Variants in EVL observed in about 807,000 individuals in gnomAD.
The protein encoded by EVL is Enah/Vasp-like, also known as ena/VASP-like protein.
In EVL, 21 loss-of-function variants were observed where a neutral mutation model predicts 59.6. The observed-to-expected ratio is 0.35, with a 90% confidence interval of 0.25 to 0.51. EVL has a LOEUF of 0.51. Ranked by LOEUF, EVL falls within the 20% of genes least tolerant of loss-of-function variation. The pLI, the probability that EVL is intolerant of heterozygous loss-of-function variation, is 0.97. For synonymous variants in EVL, 198 were observed against 203.5 expected (o/e 0.97, Z 0.23); for missense variants, 462 against 546.6 (o/e 0.85, Z 1.54).
At chr14:99,988,302 A>T (rs1212314382) in intron 1 of EVL, among the ~76,000 whole-genome samples, 1 of 152,182 alleles carries the variant, frequency 6.6e-6, no homozygotes, top group Non-Finnish European at 1.5e-5. Flanking sequence ...GCACTTGAAA[A>T]GGTGCTTAGC....
At chr14:100,132,035 T>TATC (rs1434574153) in intron 7 of EVL, among the ~76,000 whole-genome samples, 1 of 152,052 alleles carries the variant, frequency 6.6e-6, no homozygotes, top group Admixed American at 6.6e-5. Context: ...CACAGAAGCG[T>TATC]ATCTCTGGGA....
intron 1 of EVL, among the ~76,000 whole-genome samples, chr14:100,044,794 G>A (rs1728438545): frequency 6.6e-6 from 1 of 152,134 alleles, no homozygotes; most frequent in East Asian, 1.9e-4. Flanking sequence ...TCAGCAGTGA[G>A]CTCCCCAGTA....
intron 1 of EVL, among the ~76,000 whole-genome samples, chr14:100,042,996 TATTAA>T (rs906093155): frequency 2.0e-4 from 30 of 152,294 alleles, no homozygotes; most frequent in Admixed American, 5.9e-4. Flanking sequence ...TGTGAGTCCT[TATTAA>T]ATTTTTCCTT....
intron 1 of EVL, among the ~76,000 whole-genome samples, chr14:100,006,230 A>G (rs1191000): frequency 1 from 151,747 of 151,896 alleles, 75,799 homozygotes; most frequent in Middle Eastern, 1. Flanking sequence ...CAACTTATAC[A>G]ATTACTGAAT....
intron 1 of EVL, among the ~76,000 whole-genome samples, chr14:100,040,913 A>G (rs1187460013): frequency 1.3e-5 from 2 of 152,218 alleles, no homozygotes; most frequent in Non-Finnish European, 2.9e-5. Flanking sequence ...TTCCCCCTGA[A>G]AAAGCATAAT....
At chr14:100,141,120 A>G in intron 11 of EVL, 60 bp from the exon 12 acceptor site, 4 of 1,574,322 alleles carry the variant, frequency 2.5e-6, no homozygotes, top group Non-Finnish European at 3.5e-6. Context: ...GCCTCTGCAC[A>G]GCCAGCTTTC....
rs1232657375 is a variant in EVL at position 99,972,438 on chromosome 14, C to A, written c.5+381C>A. Among the ~76,000 whole-genome samples, 1 of 152,104 alleles carries A rather than the reference C, an allele frequency of 6.6e-6. No homozygotes were observed. Among genetic ancestry groups the A allele is most frequent in the African/African-American group, 2.4e-5 (1 of 41,420 alleles). ...CGCGAGGACCGAAGTTGGCGGAAGC[C>A]CCTGTGCGGTGCCTTCCAGCCCGGA... On this transcript the variant is annotated intron_variant, in intron 1 of 13. Transcript: ENST00000402714. The surrounding 1 kb of genome is among the most constrained non-coding windows in gnomAD (Gnocchi z 4.4).
In EVL at chr14:100,108,305, A is replaced by G. The variant is rs898860281; in HGVS notation, c.358+10647A>G. Among the ~76,000 whole-genome samples the G allele has an allele frequency of 6.6e-6, 1 of 152,128 alleles. No individual in the cohort carries two copies. Among genetic ancestry groups the G allele is most frequent in the Non-Finnish European group, 1.5e-5 (1 of 68,022 alleles). ...GGTGGGGCTGAATTTTGCTTCTTGT[A>G]AACCTCTTTCCATTGGAAATTACCT... On this transcript the variant is annotated intron_variant, in intron 3 of 13. Coordinates refer to ENST00000392920, the MANE Select transcript of EVL (RefSeq NM_016337.3). The surrounding 1 kb of genome is among the most constrained non-coding windows in gnomAD (Gnocchi z 4.1).
chr14:100,134,844 TCA>T (rs910749452), intron 8 of EVL: 3 of 152,288 alleles, frequency 2.0e-5, no homozygotes, highest in Non-Finnish European at 4.4e-5. Context: ...CATGGCCGCC[TCA>T]CAGACTGTGC....
At chr14:99,975,551 G>T (rs560237139) in intron 1 of EVL, among the ~76,000 whole-genome samples, 2 of 152,168 alleles carry the variant, frequency 1.3e-5, no homozygotes, top group African/African-American at 4.8e-5. Flanking sequence ...TTTTTCCTTG[G>T]GGGGTTAGGG....
intron 3 of EVL, among the ~76,000 whole-genome samples, chr14:100,105,171 A>G (rs983389725): frequency 3.3e-5 from 5 of 152,120 alleles, no homozygotes; most frequent in Non-Finnish European, 7.4e-5. Context: ...CCTCTTTGGT[A>G]CCAGCATCCC....
chr14:100,072,634 G>T (rs536378762), intron 1 of EVL, among the ~76,000 whole-genome samples: 2 of 152,256 alleles, frequency 1.3e-5, no homozygotes, highest in East Asian at 3.9e-4. Flanking sequence ...GTATGCTCAG[G>T]TCCCTAGGAC....
intron 1 of EVL, among the ~76,000 whole-genome samples, chr14:99,991,832 G>T (rs1234401542): frequency 6.6e-6 from 1 of 152,036 alleles, no homozygotes; most frequent in Non-Finnish European, 1.5e-5. Flanking sequence ...TATCAGTAAG[G>T]CTTCCAGTCA....
At chr14:100,076,996 G>A (rs1382207570) in intron 1 of EVL, among the ~76,000 whole-genome samples, 2 of 152,208 alleles carry the variant, frequency 1.3e-5, no homozygotes, top group African/African-American at 4.8e-5. Context: ...AAAGATATGG[G>A]TAGATAAAGG....
rs1250930176 is a variant in EVL at position 100,108,674 on chromosome 14, C to G, written c.358+11016C>G. On this transcript the variant is annotated intron_variant, in intron 3 of 13. Transcript: ENST00000392920. This position sits in a 1 kb window ranked among gnomAD's most constrained non-coding sequence, Gnocchi z 4.1. ...TCTCCTGTGCCCCTGGCCCTTCTTC[C>G]CCTCTCACTTTTCCCCACACTTCTA... Among the ~76,000 whole-genome samples, 1 of 152,176 alleles carries G rather than the reference C, an allele frequency of 6.6e-6. No individual in the cohort carries two copies. The highest frequency in any genetic ancestry group is 1.5e-5 in the Non-Finnish European group (1 of 68,020).
intron 1 of EVL, among the ~76,000 whole-genome samples, chr14:100,006,391 TCTC>T (rs977104041): frequency 6.6e-6 from 1 of 151,450 alleles, no homozygotes; most frequent in African/African-American, 2.4e-5. Flanking sequence ...TTCAAGCAAT[TCTC>T]CTGCGTCAGC....
Position 100,109,388 on chromosome 14 carries a change from C to A in EVL, c.358+11730C>A. ...AGACCTCAGGCACCCCTTCCCAGTC[C>A]TCGCACACTGTTGGTGTCCCATTTG... On this transcript the variant is annotated intron_variant, in intron 3 of 13. Transcript: ENST00000392920. The surrounding 1 kb of genome is among the most constrained non-coding windows in gnomAD (Gnocchi z 4.3). 1 of 361,268 alleles carries A rather than the reference C, an allele frequency of 2.8e-6. No homozygotes were observed. 22.4% of individuals were successfully genotyped at this position (361,268 alleles called of 1,614,324 possible).
chr14:100,023,371 ATTTTTT>A (rs1010647617), intron 1 of EVL, among the ~76,000 whole-genome samples: 7 of 90,758 alleles, frequency 7.7e-5, no homozygotes, highest in Non-Finnish European at 4.1e-5. Context: ...AGCCCGGCTA[ATTTTTT>A]TTTTTTTTTT....
At chr14:100,000,013 A>T (rs555514364) in intron 1 of EVL, among the ~76,000 whole-genome samples, 25 of 152,184 alleles carry the variant, frequency 1.6e-4, no homozygotes, top group African/African-American at 5.8e-4. Context: ...TGGTTATTTC[A>T]CCAGAAACAT....
Sources: allele counts gnomAD v4.1 joint callset (sites outside exome capture counted in the v4.1 genomes callset), GRCh38; gene constraint gnomAD v4.1.1; non-coding constraint Gnocchi (gnomAD v3.1); transcripts MANE v1.5; gene names NCBI Gene and HGNC (gene_info 2026-07-23, HGNC 2026-07-21).